DNAJB1: variants seen among roughly 807,000 people sequenced by gnomAD.
DNAJB1 encodes the protein dnaJ homolog subfamily B member 1.
DNAJB1 carries 14 observed loss-of-function variants against 24.0 expected under a neutral mutation model. The observed-to-expected ratio is 0.58, with a 90% CI of 0.39 to 0.91. The LOEUF (loss-of-function observed/expected upper bound fraction) is 0.91. Ranked by LOEUF, DNAJB1 falls within the 40% of genes least tolerant of loss-of-function variation. The pLI, the probability that DNAJB1 is intolerant of heterozygous loss-of-function variation, is 0.00. For synonymous variants in DNAJB1, 262 were observed against 174.4 expected (o/e 1.50, Z -3.96); for missense variants, 517 against 458.1 (o/e 1.13, Z -1.17).
upstream of DNAJB1, chr19:14,530,848 C>T (rs1404888898): frequency 2.0e-5 from 3 of 152,190 alleles, no homozygotes; most frequent in African/African-American, 7.2e-5. Flanking sequence ...AGAACATTCA[C>T]ATTGTTGTGC....
At chr19:14,517,950 G>A (rs1431578251) in intron 1 of DNAJB1, 189 bp downstream of exon 1, 5 of 522,120 alleles carry the variant, frequency 9.6e-6, no homozygotes, top group Middle Eastern at 5.1e-4. Flanking sequence ...CCGAGCGGCT[G>A]GGCCAAGGCT....
Position 14,538,939 on chromosome 19 carries a change from TCA to T in DNAJB1, c.-213-11131_-213-11130del, listed in dbSNP as rs746165770. On this transcript the variant is annotated intron_variant, in intron 1 of 3. Transcript: ENST00000676982. The stretch of plus-strand genomic sequence containing the variant: ...AGGAAGAAGCCCAGATGCCAGTGCC[TCA>T]GTTTTGATATAATGTCACACACCAT... 1.1e-3 allele frequency among the ~76,000 whole-genome samples: 169 copies of T among 151,068 alleles called. 5 individuals carry two copies. Among genetic ancestry groups the T allele is most frequent in the Admixed American group, 7.3e-4 (11 of 15,092 alleles).
chr19:14,521,373 C>T (rs537146682), upstream of DNAJB1, among the ~76,000 whole-genome samples: 17 of 151,878 alleles, frequency 1.1e-4, no homozygotes, highest in South Asian at 2.5e-3. Context: ...GCATGAGACT[C>T]GCTTCAACCC....
At chr19:14,525,006 C>T (rs906949101) in intron 2 of DNAJB1, among the ~76,000 whole-genome samples, 7 of 152,098 alleles carry the variant, frequency 4.6e-5, no homozygotes, top group East Asian at 1.9e-4. Flanking sequence ...GAGGCCGAGG[C>T]GGGAGGATCA....
chr19:14,544,576 AG>A (rs35751479), intron 1 of DNAJB1, among the ~76,000 whole-genome samples: 49,924 of 150,366 alleles, frequency 0.33, 8,946 homozygotes, highest in Non-Finnish European at 0.42. Context: ...ATAGTAGCAG[AG>A]GGTTCTGCTC....
At chr19:14,558,463 C>T (rs972951299) in intron 1 of DNAJB1, among the ~76,000 whole-genome samples, 1 of 152,244 alleles carries the variant, frequency 6.6e-6, no homozygotes, top group African/African-American at 2.4e-5. Context: ...CTTGGCTCTG[C>T]CCTGACCTCG....
intron 1 of DNAJB1, among the ~76,000 whole-genome samples, chr19:14,546,606 C>CA (rs1374246834): frequency 6.6e-6 from 1 of 152,190 alleles, no homozygotes; most frequent in African/African-American, 2.4e-5. Context: ...GGCCTGGCTG[C>CA]ATGCACTACC....
chr19:14,557,229 G>A (rs1350942230), intron 1 of DNAJB1, among the ~76,000 whole-genome samples: 1 of 148,712 alleles, frequency 6.7e-6, no homozygotes. Flanking sequence ...AACCTCCACC[G>A]TCCTGAGTTC....
At chr19:14,552,220 G>T (rs552161067), upstream of DNAJB1, among the ~76,000 whole-genome samples, 1 of 146,690 alleles carries the variant, frequency 6.8e-6, no homozygotes, top group African/African-American at 2.5e-5. Context: ...CCAGGCTGGA[G>T]TGCAGTGGTG....
chr19:14,521,901 C>T (rs893518894), upstream of DNAJB1, among the ~76,000 whole-genome samples: 3 of 152,050 alleles, frequency 2.0e-5, no homozygotes, highest in Non-Finnish European at 4.4e-5. Flanking sequence ...GGATTACAGG[C>T]GTGAGCCACC....
At position 14,515,301 on chromosome 19, in the gene DNAJB1, G is replaced by A. The variant is rs1221174318; in HGVS notation, c.*639C>T. ...GCCCCTTGCTGAGGCCAGGCTCCCA[G>A]ACCATCAAGGGAGAGGTGGCTGCAC... On this transcript the variant is annotated 3_prime_UTR_variant, in exon 3 of 3. Coordinates refer to ENST00000254322, the MANE Select transcript of DNAJB1 (RefSeq NM_006145.3). 2 of 152,764 alleles carry A rather than the reference G, an allele frequency of 1.3e-5. No individual in the cohort carries two copies. The highest frequency in any genetic ancestry group is 2.9e-5 in the Non-Finnish European group (2 of 68,106). 9.5% of individuals were successfully genotyped at this position (152,764 alleles called of 1,614,324 possible).
upstream of DNAJB1, among the ~76,000 whole-genome samples, chr19:14,533,068 C>T (rs190933791): frequency 3.1e-4 from 47 of 151,448 alleles, no homozygotes; most frequent in Non-Finnish European, 5.5e-4. Context: ...GCTGAGATCA[C>T]GCCACTGTAC....
intron 1 of DNAJB1, among the ~76,000 whole-genome samples, chr19:14,556,097 G>A (rs964803086): frequency 2.6e-5 from 4 of 152,096 alleles, no homozygotes; most frequent in African/African-American, 9.7e-5. Context: ...CCACAAAGCC[G>A]TGGCACAGAC....
intron 1 of DNAJB1, among the ~76,000 whole-genome samples, chr19:14,543,150 G>T (rs931163356): frequency 3.3e-5 from 5 of 151,058 alleles, no homozygotes; most frequent in Non-Finnish European, 7.4e-5. Context: ...CTGAAGTCAC[G>T]GAGCTGAGCC....
rs1978626 is a variant in DNAJB1, at chr19:14,560,229, G to T, written c.-2364C>A. 1.1e-3 allele frequency among the ~76,000 whole-genome samples: 168 copies of T among 151,750 alleles called. 1 individual carries two copies. The highest frequency in any genetic ancestry group is 2.0e-3 in the Non-Finnish European group (134 of 67,858). On this transcript the variant is annotated 5_prime_UTR_variant, in exon 1 of 6. Coordinates refer to the DNAJB1 transcript ENST00000679223. The stretch of plus-strand genomic sequence containing the variant: ...TTGGTGCCCAGGTTGGGGGGAGCAG[G>T]GTACGATTTCACCCCTCCCACTAGC...
chr19:14,558,435 G>A (rs559167046), intron 1 of DNAJB1, among the ~76,000 whole-genome samples: 19 of 152,130 alleles, frequency 1.2e-4, no homozygotes, highest in African/African-American at 4.1e-4. Context: ...GCTTCACGCC[G>A]CACCGTGTGT....
At chr19:14,528,590 G>A (rs1255415744) in intron 1 of DNAJB1, among the ~76,000 whole-genome samples, 1 of 152,046 alleles carries the variant, frequency 6.6e-6, no homozygotes, top group South Asian at 2.1e-4. Context: ...CACTAGACAC[G>A]ATTCTGGACG....
rs2146519327 is a variant in DNAJB1 at position 14,516,559 on chromosome 19, A to G, written c.699T>C (p.Ala233=). ...EGDQTSNNIP[A]DIVFVLKDKP... is the part of the protein sequence containing the mutation. ...TGTCCTTTAAAACAAAGACGATATC[A>G]GCTGGAATGTTGTTGGAGGTCTGGT... The change falls in exon 2 of 3, where the codon GCT becomes GCC. Residue 233 remains alanine (A), a synonymous_variant. Coordinates refer to ENST00000254322, the MANE Select transcript of DNAJB1 (RefSeq NM_006145.3). 3.1e-6 allele frequency: 5 copies of G among 1,614,232 alleles called. No individual in the cohort carries two copies. Among genetic ancestry groups the G allele is most frequent in the Non-Finnish European group, 3.4e-6 (4 of 1,180,036 alleles).
chr19:14,535,521 A>T (rs1275827348), intron 1 of DNAJB1, among the ~76,000 whole-genome samples: 5 of 55,320 alleles, frequency 9.0e-5, no homozygotes, highest in African/African-American at 2.9e-4. Flanking sequence ...AAAAAAAAAA[A>T]AAAAAAAAAA....
Sources: gnomAD v4.1 joint callset for allele counts (sites outside exome capture counted in the v4.1 genomes callset) on GRCh38, gnomAD v4.1.1 for gene constraint, MANE v1.5 for transcripts, NCBI Gene and HGNC (gene_info 2026-07-23, HGNC 2026-07-21) for gene names.